PRR16: variants seen among roughly 807,000 people sequenced by gnomAD.
PRR16 encodes the protein proline rich 16.
PRR16 carries 6 observed loss-of-function variants against 18.2 expected under a neutral mutation model. The observed-to-expected ratio is 0.33, with a 90% confidence interval of 0.18 to 0.65. The LOEUF is 0.65. Among genes scored for constraint, PRR16 ranks in the 30% least tolerant of loss-of-function variants. The pLI is 0.74. For synonymous variants in PRR16, 151 were observed against 147.8 expected, an observed-to-expected ratio of 1.02 and a Z score of -0.16; for missense variants, 412 against 376.6, an observed-to-expected ratio of 1.09 and a Z score of -0.78.
the PRR16 span, among the ~76,000 whole-genome samples, chr5:120,786,953 GA>G: frequency 6.6e-6 from 1 of 152,010 alleles, no homozygotes; most frequent in South Asian, 2.1e-4. Flanking sequence ...TGAAAACTTT[GA>G]CCTATTCCAT....
In PRR16 at chr5:120,682,289, T is replaced by C. The variant is rs1056806449; in HGVS notation, c.160-3665T>C. On this transcript the variant is annotated intron_variant, in intron 1 of 1. Coordinates refer to ENST00000407149, the MANE Select transcript of PRR16 (RefSeq NM_001300783.2). Reference sequence around the variant, plus strand: ...TGCTTCACTAACCTTTCTGATGGGGTCTTCCTCTTCTCTTATAACATCTTA... The same window carrying C: ...TGCTTCACTAACCTTTCTGATGGGGCCTTCCTCTTCTCTTATAACATCTTA... Among the ~76,000 whole-genome samples, 6 of 152,168 alleles carry C rather than the reference T, an allele frequency of 3.9e-5. 1 individual carries two copies. Among genetic ancestry groups the C allele is most frequent in the Admixed American group, 2.6e-4 (4 of 15,274 alleles).
intron 1 of PRR16, among the ~76,000 whole-genome samples, chr5:120,485,208 T>C (rs1223469926): frequency 6.6e-6 from 1 of 152,154 alleles, no homozygotes; most frequent in Non-Finnish European, 1.5e-5. Context: ...TCTTAGTCCA[T>C]TTAGAAGAGT....
At chr5:120,497,460 G>C (rs1158854387) in intron 1 of PRR16, among the ~76,000 whole-genome samples, 1 of 133,448 alleles carries the variant, frequency 7.5e-6, no homozygotes, top group African/African-American at 3.0e-5. Flanking sequence ...GCGTGATCTT[G>C]GTTCACTGCA....
intron 1 of PRR16, among the ~76,000 whole-genome samples, chr5:120,495,794 G>T (rs6595239): frequency 6.6e-6 from 1 of 151,720 alleles, no homozygotes; most frequent in Non-Finnish European, 1.5e-5. Flanking sequence ...AATTTGTATG[G>T]CTTTTATATC....
At chr5:120,640,493 G>A (rs1030264065) in intron 1 of PRR16, among the ~76,000 whole-genome samples, 2 of 152,094 alleles carry the variant, frequency 1.3e-5, no homozygotes, top group African/African-American at 4.8e-5. Context: ...CCCCATAATA[G>A]TCTTGTAATT....
At chr5:120,764,679 G>A in the PRR16 span, among the ~76,000 whole-genome samples, 1 of 151,784 alleles carries the variant, frequency 6.6e-6, no homozygotes, top group Non-Finnish European at 1.5e-5. Flanking sequence ...ACTGAAGAAT[G>A]CAAAGAAGTC....
chr5:120,619,143 T>C (rs1754606312), intron 1 of PRR16, among the ~76,000 whole-genome samples: 1 of 152,152 alleles, frequency 6.6e-6, no homozygotes, highest in South Asian at 2.1e-4. Flanking sequence ...GAAGCAATCC[T>C]CTGTACATAT....
intron 1 of PRR16, among the ~76,000 whole-genome samples, chr5:120,577,076 G>A (rs1753103209): frequency 1.3e-5 from 2 of 151,632 alleles, no homozygotes; most frequent in Non-Finnish European, 2.9e-5. Flanking sequence ...TTAAGCATGG[G>A]TGAATTTCAG....
intron 1 of PRR16, among the ~76,000 whole-genome samples, chr5:120,475,553 C>T (rs1304650647): frequency 6.6e-6 from 1 of 151,942 alleles, no homozygotes; most frequent in Non-Finnish European, 1.5e-5. Flanking sequence ...GCTTGGGCAA[C>T]AGAGCAAGAC....
intron 1 of PRR16, among the ~76,000 whole-genome samples, chr5:120,678,763 T>G (rs1045130854): frequency 6.6e-6 from 1 of 152,130 alleles, no homozygotes; most frequent in East Asian, 1.9e-4. Flanking sequence ...ATTTTCCAAT[T>G]TGGATTCCTT....
the PRR16 span, among the ~76,000 whole-genome samples, chr5:120,760,318 G>A: frequency 1.8e-3 from 272 of 152,050 alleles, no homozygotes; most frequent in African/African-American, 6.3e-3. Flanking sequence ...TAGAAATAAT[G>A]TTTCAAATAT....
At chr5:120,716,668 A>G in the PRR16 span, among the ~76,000 whole-genome samples, 1 of 152,128 alleles carries the variant, frequency 6.6e-6, no homozygotes, top group Non-Finnish European at 1.5e-5. Context: ...TGAGGTCAGG[A>G]GTTCGAGACC....
chr5:120,529,132 G>C (rs2112663101), intron 1 of PRR16, among the ~76,000 whole-genome samples: 1 of 152,118 alleles, frequency 6.6e-6, no homozygotes, highest in Non-Finnish European at 1.5e-5. Flanking sequence ...TGAAGAACAA[G>C]GCAACCAATC....
chr5:120,523,002 T>G (rs1751236259), intron 1 of PRR16, among the ~76,000 whole-genome samples: 1 of 152,218 alleles, frequency 6.6e-6, no homozygotes, highest in African/African-American at 2.4e-5. Flanking sequence ...ATAGGAGTCA[T>G]TTTTATATTA....
At chr5:120,771,002 ATCTT>A in the PRR16 span, among the ~76,000 whole-genome samples, 3 of 147,764 alleles carry the variant, frequency 2.0e-5, no homozygotes, top group African/African-American at 7.5e-5. Context: ...TTGAATGTCT[ATCTT>A]TATTATTGGA....
At position 120,486,809 on chromosome 5, in the gene PRR16, G is replaced by A. The variant is rs570083482; in HGVS notation, c.159+22164G>A. 4.5e-3 allele frequency among the ~76,000 whole-genome samples: 680 copies of A among 152,172 alleles called. 9 individuals carry two copies. Among genetic ancestry groups the A allele is most frequent in the African/African-American group, 0.016 (657 of 41,510 alleles). On this transcript the variant is annotated intron_variant, in intron 1 of 1. Transcript: ENST00000407149. ...AACATGTAAGTCTTTAATCCATCTC[G>A]AATTAATTTTTGTGTAAGGTGTAAG... is the stretch of plus-strand genomic sequence containing the variant.
intron 1 of PRR16, among the ~76,000 whole-genome samples, chr5:120,470,329 A>G (rs1007236180): frequency 7.2e-5 from 11 of 152,184 alleles, no homozygotes; most frequent in African/African-American, 2.7e-4. Context: ...GCACATGAAT[A>G]TTATAGAAAG....
the PRR16 span, among the ~76,000 whole-genome samples, chr5:120,708,510 T>C: frequency 6.6e-6 from 1 of 152,188 alleles, no homozygotes; most frequent in Non-Finnish European, 1.5e-5. Context: ...AAAACATCTT[T>C]ACTTGAATAT....
At chr5:120,609,870 C>A (rs1283100565) in intron 1 of PRR16, among the ~76,000 whole-genome samples, 1 of 152,168 alleles carries the variant, frequency 6.6e-6, no homozygotes, top group Non-Finnish European at 1.5e-5. Context: ...CCCATGGTCC[C>A]AGAATTACTT....
Sources: allele counts gnomAD v4.1 joint callset (sites outside exome capture counted in the v4.1 genomes callset), GRCh38; gene constraint gnomAD v4.1.1; transcripts MANE v1.5; gene names NCBI Gene and HGNC (gene_info 2026-07-23, HGNC 2026-07-21).